Variants in BAZ2B observed in about 807,000 individuals in gnomAD.
BAZ2B encodes the protein bromodomain adjacent to zinc finger domain 2B, also known as bromodomain adjacent to zinc finger domain protein 2B.
Under a neutral mutation model 246.0 loss-of-function variants are expected in BAZ2B, and 91 were observed. That is an observed-to-expected ratio of 0.37 (90% confidence interval 0.31 to 0.44). The LOEUF (loss-of-function observed/expected upper bound fraction) is 0.44. Among genes scored for constraint, BAZ2B ranks in the 20% least tolerant of loss-of-function variants. The pLI, the probability that BAZ2B is intolerant of heterozygous loss-of-function variation, is 1.00. For missense variants in BAZ2B, 2,332 were observed against 2,533.7 expected, an observed-to-expected ratio of 0.92 and a Z score of 1.71; for synonymous variants, 855 against 860.0, an observed-to-expected ratio of 0.99 and a Z score of 0.10.
At chr2:159,560,987 G>T (rs2089799640) in intron 1 of BAZ2B, among the ~76,000 whole-genome samples, 1 of 152,126 alleles carries the variant, frequency 6.6e-6, no homozygotes, top group African/African-American at 2.4e-5. Flanking sequence ...TGGGAAACTG[G>T]TGACAATGTG....
At chr2:159,537,673 A>T (rs2086177487) in intron 2 of BAZ2B, among the ~76,000 whole-genome samples, 3 of 152,136 alleles carry the variant, frequency 2.0e-5, no homozygotes, top group Admixed American at 1.3e-4. Context: ...GGCTTTCTTC[A>T]CTGTCATCTG....
In BAZ2B at chr2:159,325,837, T is replaced by C; in HGVS notation, c.6025A>G (p.Thr2009Ala). 1.2e-6 allele frequency: 2 copies of C among 1,609,436 alleles called. No homozygotes were observed. Among genetic ancestry groups the C allele is most frequent in the Admixed American group, 1.7e-5 (1 of 59,184 alleles). Reference protein sequence around the residue: ...TNESKKGKKVTLTGDTEDEDS... With the variant: ...TNESKKGKKVALTGDTEDEDS... Reference sequence around the variant, plus strand: ...TCATCTTCAGTATCTCCTGTTAAAGTTACCTTCTTGCCTTTCTTTGACTCA... The same window carrying C: ...TCATCTTCAGTATCTCCTGTTAAAGCTACCTTCTTGCCTTTCTTTGACTCA... Residue 2009 changes from threonine (T) to alanine (A), a missense_variant, in exon 35 of 37, where the codon ACT (threonine) becomes GCT (alanine). This residue lies in a region of BAZ2B where 210 missense variants were observed against 232.5 expected (regional missense o/e 0.90). Transcript: ENST00000392783.
At chr2:159,525,853 C>T (rs1378156477) in intron 2 of BAZ2B, among the ~76,000 whole-genome samples, 1 of 152,122 alleles carries the variant, frequency 6.6e-6, no homozygotes, top group African/African-American at 2.4e-5. Context: ...TGGAGATGAC[C>T]TTAAATACCA....
the BAZ2B span, among the ~76,000 whole-genome samples, chr2:159,708,560 TA>T: frequency 2.9e-5 from 1 of 34,844 alleles, no homozygotes; most frequent in East Asian, 3.8e-4. Context: ...TTTATTTATT[TA>T]TTTATTTATT....
chr2:159,349,136 T>C lies in BAZ2B; in HGVS notation c.5008A>G (p.Thr1670Ala). 2 of 1,614,074 alleles carry C rather than the reference T, an allele frequency of 1.2e-6. No individual in the cohort carries two copies. The highest frequency in any genetic ancestry group is 1.7e-6 in the Non-Finnish European group (2 of 1,179,978). ...LSEGNGNSFL[T>A]SNVASSKSES... ...CTTTTACTTGAAGCAACATTGGAAG[T>C]CAAGAATGAATTACCATTTCCTTCT... Residue 1670 changes from threonine (T) to alanine (A), a missense_variant, in exon 29 of 37, where the codon ACT becomes GCT. Around this residue, in one of 9 missense-constraint regions of BAZ2B, gnomAD observed 676 missense variants for 668.6 expected, o/e 1.01. Coordinates refer to ENST00000392783, the MANE Select transcript of BAZ2B (RefSeq NM_013450.4).
At chr2:159,482,260 G>A (rs1205351002) in intron 2 of BAZ2B, among the ~76,000 whole-genome samples, 1 of 152,000 alleles carries the variant, frequency 6.6e-6, no homozygotes, top group Admixed American at 6.6e-5. Context: ...TTGTGTCACT[G>A]AGATATTTGC....
chr2:159,650,061 G>A, the BAZ2B span, among the ~76,000 whole-genome samples: 1 of 152,082 alleles, frequency 6.6e-6, no homozygotes, highest in Non-Finnish European at 1.5e-5. Context: ...ATCAGCACCA[G>A]AAGTTTGTTT....
chr2:159,598,334 ATT>A (rs1224824897), intron 1 of BAZ2B, among the ~76,000 whole-genome samples: 1 of 152,206 alleles, frequency 6.6e-6, no homozygotes, highest in Admixed American at 6.5e-5. Flanking sequence ...GCTGGAAAGA[ATT>A]GGGTTTACTT....
chr2:159,397,541 T>C (rs1274162505), intron 18 of BAZ2B, 152 bp from the exon 19 acceptor site: 19 of 491,270 alleles, frequency 3.9e-5, no homozygotes, highest in Non-Finnish European at 5.8e-5. Flanking sequence ...ATTTATAAAA[T>C]GTCAATTCGA....
At chr2:159,497,645 A>C (rs2151077123) in intron 2 of BAZ2B, among the ~76,000 whole-genome samples, 1 of 152,348 alleles carries the variant, frequency 6.6e-6, no homozygotes, top group Admixed American at 6.5e-5. Flanking sequence ...GCTGAGATTA[A>C]GAGATCCTTA....
chr2:159,670,635 G>C, the BAZ2B span: 5 of 152,072 alleles, frequency 3.3e-5, no homozygotes, highest in African/African-American at 1.2e-4. Context: ...TTATAATTTT[G>C]TTTTAAATAC....
the BAZ2B span, among the ~76,000 whole-genome samples, chr2:159,708,963 T>A: frequency 2.1e-3 from 317 of 152,280 alleles, 2 homozygotes; most frequent in Non-Finnish European, 2.6e-3. Flanking sequence ...TTACTAAATA[T>A]GGCAACTTTA....
At chr2:159,458,852 T>G (rs2076094563) in intron 3 of BAZ2B, 1 of 152,182 alleles carries the variant, frequency 6.6e-6, no homozygotes, top group Non-Finnish European at 1.5e-5. Flanking sequence ...CTGTTTAAAC[T>G]ATCACCTCTA....
chr2:159,433,751 C>A (rs922990403), intron 8 of BAZ2B: 11 of 165,168 alleles, frequency 6.7e-5, no homozygotes, highest in Admixed American at 6.6e-4. Context: ...TCCAAATTTC[C>A]CAGCCAGAAG....
At chr2:159,598,858 GTAAA>G (rs1166875028) in intron 1 of BAZ2B, among the ~76,000 whole-genome samples, 1 of 151,850 alleles carries the variant, frequency 6.6e-6, no homozygotes, top group African/African-American at 2.4e-5. Flanking sequence ...ACAAAAATAA[GTAAA>G]TAAATAAATA....
chr2:159,353,295 T>C (rs973311675), intron 27 of BAZ2B, among the ~76,000 whole-genome samples: 2 of 152,238 alleles, frequency 1.3e-5, no homozygotes, highest in Non-Finnish European at 2.9e-5. Flanking sequence ...TACCTTCTTG[T>C]ATGAAACAAC....
At chr2:159,405,167 C>T in intron 14 of BAZ2B, 53 bp from the exon 15 acceptor site, 1 of 1,436,746 alleles carries the variant, frequency 7.0e-7, no homozygotes, top group Non-Finnish European at 9.8e-7. Flanking sequence ...AACTACTAAC[C>T]AAAAACAATA....
chr2:159,368,552 T>C (rs1418994261), intron 27 of BAZ2B, among the ~76,000 whole-genome samples: 1 of 152,212 alleles, frequency 6.6e-6, no homozygotes, highest in Non-Finnish European at 1.5e-5. Flanking sequence ...TAATGTCTAT[T>C]AATATGTCTA....
chr2:159,372,735 C>A (rs574013209), intron 27 of BAZ2B, among the ~76,000 whole-genome samples: 2 of 152,082 alleles, frequency 1.3e-5, no homozygotes, highest in African/African-American at 4.8e-5. Context: ...GGAAGTTTGA[C>A]AATGGGAAGA....
Sources: allele counts gnomAD v4.1 joint callset (sites outside exome capture counted in the v4.1 genomes callset), GRCh38; gene constraint gnomAD v4.1.1; regional missense constraint gnomAD v4.1.1; transcripts MANE v1.5; gene names NCBI Gene and HGNC (gene_info 2026-07-23, HGNC 2026-07-21).